The following SYN3 variants were observed in gnomAD, a reference collection of about 807,000 sequenced individuals.
The protein encoded by SYN3 is synapsin-3.
Under a neutral mutation model 65.8 loss-of-function variants are expected in SYN3, and 35 were observed. That is an observed-to-expected ratio of 0.53 (90% CI 0.41 to 0.70). SYN3 has a LOEUF of 0.70. Among genes scored for constraint, SYN3 ranks in the 30% least tolerant of loss-of-function variants. The pLI, the probability that SYN3 is intolerant of heterozygous loss-of-function variation, is 0.00. For synonymous variants in SYN3, 270 were observed against 292.9 expected (o/e 0.92, Z 0.80); for missense variants, 680 against 749.0 (o/e 0.91, Z 1.08).
At position 33,030,678 on chromosome 22, in the gene SYN3, CAG is replaced by C. The variant is rs373895917; in HGVS notation, c.-162-23856_-162-23855del. Among the ~76,000 whole-genome samples, 876 of 142,792 alleles carry C rather than the reference CAG, an allele frequency of 6.1e-3. 7 individuals carry two copies. Among genetic ancestry groups the C allele is most frequent in the South Asian group, 0.03 (132 of 4,368 alleles). 93.7% of individuals were successfully genotyped at this position (142,792 alleles called of 152,430 possible). On this transcript the variant is annotated intron_variant, in intron 1 of 13. Transcript: ENST00000358763. ...ATAGAGACAGAGAGAGAGAGAGATACAGAGAGAGACAGAGAGATCAACACAAA... is the reference window on the plus strand; with the variant it reads ...ATAGAGACAGAGAGAGAGAGAGATACAGAGAGACAGAGAGATCAACACAAA...
intron 3 of SYN3, among the ~76,000 whole-genome samples, chr22:32,934,221 T>C (rs1383852274): frequency 2.0e-5 from 3 of 152,172 alleles, no homozygotes; most frequent in Admixed American, 2.0e-4. Flanking sequence ...CAAAACAGGA[T>C]ACCTGGTCAC....
chr22:32,569,559 CTCTCTCTCTCTCTATA>C lies in SYN3; in HGVS notation c.774+27099_774+27114del, dbSNP rs1322681896. On this transcript the variant is annotated intron_variant, in intron 7 of 13. Transcript: ENST00000358763. ...TCAATCTCTCTCTCTCTCTCTCTCTCTCTCTCTCTCTCTATATATATATATATATAAAATCTATCTA... is the reference window on the plus strand; with the variant it reads ...TCAATCTCTCTCTCTCTCTCTCTCTCTATATATATATATAAAATCTATCTA... Among the ~76,000 whole-genome samples, 620 of 51,210 alleles carry C rather than the reference CTCTCTCTCTCTCTATA, an allele frequency of 0.012. 7 individuals are homozygous for C. The East Asian group carries it at 0.2, about 17-fold the overall frequency. The allele number at this position is 51,210 out of a possible 152,430, so 33.6% of individuals were successfully genotyped here.
intron 6 of SYN3, among the ~76,000 whole-genome samples, chr22:32,735,376 A>G (rs1204438230): frequency 6.6e-6 from 1 of 152,208 alleles, no homozygotes; most frequent in Non-Finnish European, 1.5e-5. Context: ...CACGTAGTAA[A>G]TTCTCAATCA....
At chr22:32,953,400 G>A (rs143579980) in intron 3 of SYN3, among the ~76,000 whole-genome samples, 43 of 152,104 alleles carry the variant, frequency 2.8e-4, no homozygotes, top group African/African-American at 9.9e-4. Flanking sequence ...ATTGGGAGAG[G>A]AAAGAGAAAC....
chr22:33,036,662 C>T lies in SYN3; in HGVS notation c.-163+21630G>A, dbSNP rs78634112. ...TTGTCTAAAAAAATTTTTTTAAATG[C>T]TGTAAAGCCCAAGTTCTTTTTTTTT... On this transcript the variant is annotated intron_variant, in intron 1 of 13. Transcript: ENST00000358763. Among the ~76,000 whole-genome samples, 809 of 140,904 alleles carry T rather than the reference C, an allele frequency of 5.7e-3. 9 individuals carry two copies. Among genetic ancestry groups the T allele is most frequent in the African/African-American group, 0.021 (773 of 36,608 alleles). 92.4% of individuals were successfully genotyped at this position (140,904 alleles called of 152,430 possible).
chr22:33,048,854 C>T (rs2054112998), intron 1 of SYN3, among the ~76,000 whole-genome samples: 1 of 152,162 alleles, frequency 6.6e-6, no homozygotes, highest in South Asian at 2.1e-4. Context: ...TGACGGAAAC[C>T]TTGCAAGCAA....
chr22:32,889,687 A>T (rs1350452176), intron 4 of SYN3, among the ~76,000 whole-genome samples: 1 of 152,154 alleles, frequency 6.6e-6, no homozygotes, highest in Non-Finnish European at 1.5e-5. Context: ...GACTGTATCC[A>T]GGGATCTTTG....
At chr22:32,775,795 C>G (rs2045894251) in intron 6 of SYN3, among the ~76,000 whole-genome samples, 1 of 152,214 alleles carries the variant, frequency 6.6e-6, no homozygotes, top group Non-Finnish European at 1.5e-5. Flanking sequence ...GCTACTGTTT[C>G]TAAGTACCTA....
chr22:32,586,062 A>G (rs867215302), intron 7 of SYN3, among the ~76,000 whole-genome samples: 13 of 138,406 alleles, frequency 9.4e-5, no homozygotes, highest in Non-Finnish European at 1.8e-4. Context: ...GTGTATATGT[A>G]TATATGTATA....
At chr22:32,610,826 A>C (rs2146682646) in intron 6 of SYN3, among the ~76,000 whole-genome samples, 1 of 152,178 alleles carries the variant, frequency 6.6e-6, no homozygotes, top group South Asian at 2.1e-4. Flanking sequence ...AGGTGATACA[A>C]CCACATCAGC....
chr22:32,674,368 T>C (rs995016876), intron 6 of SYN3, among the ~76,000 whole-genome samples: 4 of 152,194 alleles, frequency 2.6e-5, no homozygotes, highest in Non-Finnish European at 4.4e-5. Flanking sequence ...GACTCTGGCC[T>C]GCATATTTCT....
At chr22:32,607,617 G>C (rs1409504763) in intron 6 of SYN3, among the ~76,000 whole-genome samples, 1 of 152,020 alleles carries the variant, frequency 6.6e-6, no homozygotes, top group African/African-American at 2.4e-5. Flanking sequence ...GTCTGTCTTG[G>C]GAAAATACCG....
At chr22:32,732,937 A>G (rs1003537905) in intron 6 of SYN3, among the ~76,000 whole-genome samples, 3 of 152,248 alleles carry the variant, frequency 2.0e-5, no homozygotes, top group Non-Finnish European at 4.4e-5. Context: ...AATCAAAACA[A>G]GACAAAAATC....
chr22:32,823,586 T>C (rs1460449314), intron 6 of SYN3, among the ~76,000 whole-genome samples: 2 of 151,812 alleles, frequency 1.3e-5, no homozygotes, highest in Non-Finnish European at 2.9e-5. Flanking sequence ...GGAATAGCAA[T>C]TGGAGGGAAG....
chr22:32,710,103 G>A (rs1324589979), intron 6 of SYN3, among the ~76,000 whole-genome samples: 5 of 83,922 alleles, frequency 6.0e-5, no homozygotes, highest in South Asian at 3.4e-4. Context: ...ACACACATGT[G>A]TGTGTGTATG....
At chr22:32,638,799 G>T (rs1601815339) in intron 6 of SYN3, among the ~76,000 whole-genome samples, 1 of 152,104 alleles carries the variant, frequency 6.6e-6, no homozygotes, top group Non-Finnish European at 1.5e-5. Flanking sequence ...ATTTAGCTGT[G>T]CAGAAGTTCT....
chr22:32,787,652 A>G (rs372640305), intron 6 of SYN3, among the ~76,000 whole-genome samples: 5 of 152,362 alleles, frequency 3.3e-5, no homozygotes, highest in Middle Eastern at 6.8e-3. Context: ...TTGTGCAGCT[A>G]GAAACACTAA....
intron 6 of SYN3, among the ~76,000 whole-genome samples, chr22:32,661,219 GT>G (rs1313583801): frequency 6.6e-6 from 1 of 152,234 alleles, no homozygotes; most frequent in Non-Finnish European, 1.5e-5. Flanking sequence ...CTTCTCTGCT[GT>G]CTTCAATTCC....
At chr22:32,972,490 C>CACT (rs554927377) in intron 3 of SYN3, among the ~76,000 whole-genome samples, 5 of 152,168 alleles carry the variant, frequency 3.3e-5, no homozygotes, top group Non-Finnish European at 5.9e-5. Context: ...GTCTCTCCTG[C>CACT]ACTATGGGAG....
Sources: gnomAD v4.1 joint callset for allele counts (sites outside exome capture counted in the v4.1 genomes callset) on GRCh38, gnomAD v4.1.1 for gene constraint, MANE v1.5 for transcripts, NCBI Gene and HGNC (gene_info 2026-07-23, HGNC 2026-07-21) for gene names.